The following BCKDHB variants were observed in gnomAD, a reference collection of about 807,000 sequenced individuals.
The protein encoded by BCKDHB is branched chain keto acid dehydrogenase E1 subunit beta.
In BCKDHB, 41 loss-of-function variants were observed where a neutral mutation model predicts 48.5. That is an observed-to-expected ratio of 0.85 (90% CI 0.66 to 1.10). BCKDHB has a LOEUF of 1.10. Ranked by LOEUF, BCKDHB falls within the 50% of genes least tolerant of loss-of-function variation. The pLI is 0.00. For synonymous variants in BCKDHB, 201 were observed against 174.8 expected (o/e 1.15, Z -1.18); for missense variants, 496 against 494.2 (o/e 1.00, Z -0.03).
At chr6:80,366,835 A>G in the BCKDHB span, among the ~76,000 whole-genome samples, 1 of 152,236 alleles carries the variant, frequency 6.6e-6, no homozygotes, top group East Asian at 1.9e-4. Flanking sequence ...AAAGGTTATC[A>G]GAAACCACTT....
chr6:80,333,814 ATC>A (rs1769436756), intron 9 of BCKDHB, among the ~76,000 whole-genome samples: 1 of 152,158 alleles, frequency 6.6e-6, no homozygotes, highest in African/African-American at 2.4e-5. Flanking sequence ...AATAAATAGT[ATC>A]TCTGGGCATT....
intron 1 of BCKDHB, among the ~76,000 whole-genome samples, chr6:80,110,366 C>T (rs933304529): frequency 6.6e-6 from 1 of 152,158 alleles, no homozygotes; most frequent in African/African-American, 2.4e-5. Context: ...CTTGGTATCC[C>T]CTATCTGCCA....
chr6:80,193,444 C>A (rs917866010), intron 6 of BCKDHB, among the ~76,000 whole-genome samples: 1 of 151,878 alleles, frequency 6.6e-6, no homozygotes, highest in East Asian at 1.9e-4. Flanking sequence ...CCTGGCCAGG[C>A]GTGATGGCTC....
intron 1 of BCKDHB, among the ~76,000 whole-genome samples, chr6:80,125,364 A>C (rs1770289334): frequency 6.6e-6 from 1 of 152,084 alleles, no homozygotes; most frequent in South Asian, 2.1e-4. Context: ...AGACCACTAA[A>C]ATTTTCTTCA....
the BCKDHB span, among the ~76,000 whole-genome samples, chr6:80,426,549 G>A: frequency 6.6e-6 from 1 of 151,990 alleles, no homozygotes; most frequent in African/African-American, 2.4e-5. Flanking sequence ...AAAAATGCTT[G>A]TAAATTTTCC....
At chr6:80,124,683 C>G (rs1393907409) in intron 1 of BCKDHB, among the ~76,000 whole-genome samples, 1 of 152,110 alleles carries the variant, frequency 6.6e-6, no homozygotes, top group Non-Finnish European at 1.5e-5. Context: ...CAACGTTAAT[C>G]TTATACATCT....
At chr6:80,398,627 A>C in the BCKDHB span, among the ~76,000 whole-genome samples, 2 of 152,072 alleles carry the variant, frequency 1.3e-5, no homozygotes, top group Non-Finnish European at 1.5e-5. Context: ...GCTCAGGAAA[A>C]GACAGATTCA....
At chr6:80,175,578 A>G (rs1773111757) in intron 6 of BCKDHB, among the ~76,000 whole-genome samples, 1 of 152,034 alleles carries the variant, frequency 6.6e-6, no homozygotes, top group Non-Finnish European at 1.5e-5. Flanking sequence ...TTTGAAGAAA[A>G]TGTTACTGGT....
chr6:80,124,564 G>A (rs1341299234), intron 1 of BCKDHB, among the ~76,000 whole-genome samples: 1 of 152,086 alleles, frequency 6.6e-6, no homozygotes, highest in Middle Eastern at 3.2e-3. Context: ...TATGAATCTG[G>A]GTGCTCCTGT....
chr6:80,246,392 A>G (rs372351280), intron 8 of BCKDHB, among the ~76,000 whole-genome samples: 7 of 152,098 alleles, frequency 4.6e-5, no homozygotes, highest in East Asian at 1.9e-4. Context: ...CTATACAACA[A>G]TTGGGGCATC....
chr6:80,453,200 A>C, the BCKDHB span: 1 of 152,186 alleles, frequency 6.6e-6, no homozygotes, highest in Admixed American at 6.5e-5. Flanking sequence ...CACGGCCTCC[A>C]GTCAATGAAA....
At chr6:80,373,986 T>C in the BCKDHB span, 1 of 588,366 alleles carries the variant, frequency 1.7e-6, no homozygotes, top group East Asian at 4.1e-5. Flanking sequence ...TTCTTTTTCC[T>C]TTTAATTGCA....
chr6:80,391,208 GT>G, the BCKDHB span, among the ~76,000 whole-genome samples: 1 of 110,062 alleles, frequency 9.1e-6, no homozygotes, highest in Non-Finnish European at 2.1e-5. Flanking sequence ...TCTCCTATTA[GT>G]TCTGTTCCTC....
At chr6:80,392,735 T>A in the BCKDHB span, among the ~76,000 whole-genome samples, 1 of 151,748 alleles carries the variant, frequency 6.6e-6, no homozygotes, top group African/African-American at 2.4e-5. Flanking sequence ...ATTACATTTT[T>A]AAATTAAATT....
chr6:80,431,577 C>T, the BCKDHB span, among the ~76,000 whole-genome samples: 5 of 152,156 alleles, frequency 3.3e-5, no homozygotes, highest in South Asian at 2.1e-4. Context: ...TTATGTAATG[C>T]CCTTCTTTGT....
the BCKDHB span, among the ~76,000 whole-genome samples, chr6:80,383,750 C>A: frequency 6.6e-6 from 1 of 151,956 alleles, no homozygotes; most frequent in Non-Finnish European, 1.5e-5. Flanking sequence ...CCTACTGTGT[C>A]CCACGTCACA....
chr6:80,437,399 A>C, the BCKDHB span, among the ~76,000 whole-genome samples: 3 of 152,044 alleles, frequency 2.0e-5, no homozygotes, highest in African/African-American at 7.3e-5. Flanking sequence ...AAAGAGCCTC[A>C]TTTTTCAAAA....
At chr6:80,464,658 A>ATAC in the BCKDHB span, among the ~76,000 whole-genome samples, 1 of 152,196 alleles carries the variant, frequency 6.6e-6, no homozygotes, top group Non-Finnish European at 1.5e-5. Flanking sequence ...CACTTCTTTC[A>ATAC]TACTATTCTT....
chr6:80,355,141 T>C, the BCKDHB span, among the ~76,000 whole-genome samples: 11 of 152,240 alleles, frequency 7.2e-5, no homozygotes, highest in South Asian at 2.3e-3. Context: ...GGGATGTTTT[T>C]CCATTTGTTT....
Sources: gnomAD v4.1 joint callset for allele counts (sites outside exome capture counted in the v4.1 genomes callset) on GRCh38, gnomAD v4.1.1 for gene constraint, MANE v1.5 for transcripts, NCBI Gene and HGNC (gene_info 2026-07-23, HGNC 2026-07-21) for gene names.